The following DNAI4 variants were observed in gnomAD, a reference collection of about 807,000 sequenced individuals.
DNAI4 encodes the protein WD repeat domain 78.
Under a neutral mutation model 105.8 loss-of-function variants are expected in DNAI4, and 85 were observed. That is an observed-to-expected ratio of 0.80 (90% CI 0.67 to 0.96). The LOEUF is 0.96. DNAI4 is among the 40% of genes least tolerant of loss of function. The pLI is 0.00. For missense variants in DNAI4, 1,014 were observed against 1,005.6 expected (o/e 1.01, Z -0.11); for synonymous variants, 352 against 331.5 (o/e 1.06, Z -0.67).
rs200625480 is a variant in DNAI4 at position 66,833,955 on chromosome 1, C to T, written c.1891+36G>A. The T allele has an allele frequency of 7.8e-5, 121 of 1,558,634 alleles. No homozygotes were observed. The East Asian group carries it at 2.0e-3, about 25-fold the overall frequency. On this transcript the variant is annotated intron_variant, in intron 12 of 16. Coordinates refer to ENST00000371026, the MANE Select transcript of DNAI4 (RefSeq NM_024763.5). ...TTAACTAGAAAATTTTAATTCAGCA[C>T]GTAACAAGAAAAATATAACTTGATT...
chr1:66,891,137 A>G lies in DNAI4; in HGVS notation c.643+17T>C, dbSNP rs1292681244. On this transcript the variant is annotated intron_variant, in intron 4 of 16. Transcript: ENST00000371026. ...ATAACGGACTGTTACTGAAATAAAC[A>G]AGTATATTTTCATTACCTGTGAAAC... is the stretch of plus-strand genomic sequence containing the variant. The G allele has an allele frequency of 5.2e-6, 8 of 1,531,172 alleles. No individual in the cohort carries two copies. The highest frequency in any genetic ancestry group is 5.4e-6 in the Non-Finnish European group (6 of 1,104,596). The allele number at this position is 1,531,172 out of a possible 1,614,324, so 94.8% of individuals were successfully genotyped here.
intron 16 of DNAI4, among the ~76,000 whole-genome samples, chr1:66,819,810 A>G (rs1645589235): frequency 6.6e-6 from 1 of 151,742 alleles, no homozygotes; most frequent in African/African-American, 2.4e-5. Context: ...AACTCAAACC[A>G]CTCAATTCCC....
chr1:66,880,278 G>A (rs1248690467), intron 4 of DNAI4, among the ~76,000 whole-genome samples: 7 of 152,206 alleles, frequency 4.6e-5, no homozygotes, highest in South Asian at 4.1e-4. Flanking sequence ...GTAGACACCC[G>A]AAAATGTGGA....
At chr1:66,828,875 T>C (rs1645808697) in intron 13 of DNAI4, among the ~76,000 whole-genome samples, 1 of 152,224 alleles carries the variant, frequency 6.6e-6, no homozygotes, top group East Asian at 1.9e-4. Flanking sequence ...GAAATCGAAT[T>C]CCTTTTTTAA....
chr1:66,882,128 T>A (rs1022690882), intron 4 of DNAI4, among the ~76,000 whole-genome samples: 1 of 152,198 alleles, frequency 6.6e-6, no homozygotes, highest in Non-Finnish European at 1.5e-5. Context: ...GTCTTGGGTA[T>A]GTCTTTATCA....
chr1:66,924,297 A>G (rs1041149700), intron 1 of DNAI4, among the ~76,000 whole-genome samples: 4 of 152,166 alleles, frequency 2.6e-5, no homozygotes, highest in African/African-American at 9.7e-5. Context: ...CAGCCTCCCA[A>G]GTAGCTGGGA....
At chr1:66,903,094 T>A (rs1387744615) in intron 2 of DNAI4, among the ~76,000 whole-genome samples, 1 of 152,236 alleles carries the variant, frequency 6.6e-6, no homozygotes, top group East Asian at 1.9e-4. Context: ...ACTGGGATTT[T>A]GGAGGGAATG....
At position 66,863,381 on chromosome 1, in the gene DNAI4, A is replaced by G. The variant is rs571829124; in HGVS notation, c.941-1079T>C. ...TTGCTACAACTATTATTTTCCTAAT[A>G]CAAAATGGAGGAGCTCTAGTAAAGC... On this transcript the variant is annotated intron_variant, in intron 6 of 16. Transcript: ENST00000371026. 2.0e-5 allele frequency among the ~76,000 whole-genome samples: 3 copies of G among 152,352 alleles called. 1 individual carries two copies. In the South Asian group the frequency reaches 6.2e-4, roughly 32 times the overall value.
At chr1:66,892,781 G>T (rs898257399) in intron 3 of DNAI4, among the ~76,000 whole-genome samples, 1 of 151,510 alleles carries the variant, frequency 6.6e-6, no homozygotes, top group Non-Finnish European at 1.5e-5. Context: ...GTGGGGGGGC[G>T]CCTGTAATCC....
chr1:66,860,415 C>A (rs1646600776), intron 7 of DNAI4, among the ~76,000 whole-genome samples: 1 of 151,838 alleles, frequency 6.6e-6, no homozygotes, highest in African/African-American at 2.4e-5. Flanking sequence ...GTCAAAAGGA[C>A]CTTAGAGGTA....
chr1:66,915,248 A>G (rs1336071764), intron 1 of DNAI4, among the ~76,000 whole-genome samples: 8 of 152,224 alleles, frequency 5.3e-5, no homozygotes, highest in Non-Finnish European at 1.0e-4. Context: ...TCCACAGGCA[A>G]TAAGGAGGTT....
intron 7 of DNAI4, among the ~76,000 whole-genome samples, chr1:66,851,091 T>C (rs1557925113): frequency 6.6e-6 from 1 of 151,908 alleles, no homozygotes; most frequent in Non-Finnish European, 1.5e-5. Context: ...AAACATATGA[T>C]GTCTACAATA....
chr1:66,829,128 G>A (rs560541126), intron 13 of DNAI4, among the ~76,000 whole-genome samples: 2 of 152,282 alleles, frequency 1.3e-5, no homozygotes, highest in South Asian at 4.1e-4. Context: ...CTGGAGAGAA[G>A]ATGGCCCTTC....
At chr1:66,904,811 TAA>T (rs1649115631) in intron 2 of DNAI4, 1 of 183,220 alleles carries the variant, frequency 5.5e-6, no homozygotes, top group South Asian at 1.9e-4. Flanking sequence ...ATTAAAAGTT[TAA>T]AAGAGTCAAT....
At chr1:66,817,371 G>A (rs192697179) in intron 16 of DNAI4, among the ~76,000 whole-genome samples, 408 of 152,222 alleles carry the variant, frequency 2.7e-3, no homozygotes, top group African/African-American at 9.3e-3. Context: ...CCAGGAGTTC[G>A]AGATGAGTCT....
chr1:66,884,885 T>C (rs1254567305), intron 4 of DNAI4, among the ~76,000 whole-genome samples: 2 of 152,234 alleles, frequency 1.3e-5, no homozygotes, highest in Non-Finnish European at 2.9e-5. Flanking sequence ...CTCTGCCGGA[T>C]AGCAGAGAAC....
rs915275582 is a variant in DNAI4 at position 66,880,193 on chromosome 1, C to T, written c.644-5256G>A. Among the ~76,000 whole-genome samples, 11 of 152,312 alleles carry T rather than the reference C, an allele frequency of 7.2e-5. 2 individuals are homozygous for T. The highest frequency in any genetic ancestry group is 1.3e-4 in the Admixed American group (2 of 15,302). ...CATTAAACCTCTTTTTCTTCCAAGT[C>T]TCAGGTATGTCTTTATCAGCAGCAT... On this transcript the variant is annotated intron_variant, in intron 4 of 16. Transcript: ENST00000371026.
chr1:66,912,802 G>A (rs1649759713), intron 1 of DNAI4, among the ~76,000 whole-genome samples: 1 of 152,142 alleles, frequency 6.6e-6, no homozygotes, highest in African/African-American at 2.4e-5. Context: ...GAACGTGGAT[G>A]CCCCTGACCT....
chr1:66,813,047 T>C lies in DNAI4; in HGVS notation c.*1083A>G, dbSNP rs1441174233. ...CTCTAAATCCATGTAAAATTTGCCT[T>C]GCTTTTGTTTAAGGGATTGGTCCAA... On this transcript the variant is annotated 3_prime_UTR_variant, in exon 17 of 17. Coordinates refer to ENST00000371026, the MANE Select transcript of DNAI4 (RefSeq NM_024763.5). The C allele has an allele frequency of 6.6e-6, 1 of 152,390 alleles. No individual in the cohort carries two copies. Among genetic ancestry groups the C allele is most frequent in the Non-Finnish European group, 1.5e-5 (1 of 68,042 alleles). The allele number at this position is 152,390 out of a possible 1,614,324, so 9.4% of individuals were successfully genotyped here.
Sources: allele counts gnomAD v4.1 joint callset (sites outside exome capture counted in the v4.1 genomes callset), GRCh38; gene constraint gnomAD v4.1.1; transcripts MANE v1.5; gene names NCBI Gene and HGNC (gene_info 2026-07-23, HGNC 2026-07-21).